The following AFAP1 variants were observed in gnomAD, a reference collection of about 807,000 sequenced individuals.
The protein encoded by AFAP1 is actin filament-associated protein 1.
Under a neutral mutation model 93.9 loss-of-function variants are expected in AFAP1, and 75 were observed. That is an observed-to-expected ratio of 0.80 (90% CI 0.66 to 0.97). The LOEUF (loss-of-function observed/expected upper bound fraction) is 0.97. Ranked by LOEUF, AFAP1 falls within the 50% of genes least tolerant of loss-of-function variation. The pLI is 0.00. For synonymous variants in AFAP1, 517 were observed against 430.7 expected (o/e 1.20, Z -2.48); for missense variants, 1,201 against 1,050.8 (o/e 1.14, Z -1.98).
chr4:7,863,231 C>T (rs547931667), intron 3 of AFAP1, among the ~76,000 whole-genome samples: 5 of 152,264 alleles, frequency 3.3e-5, no homozygotes, highest in African/African-American at 1.2e-4. Flanking sequence ...GCCTGGGCAA[C>T]ATGGTGAAAA....
intron 4 of AFAP1, among the ~76,000 whole-genome samples, chr4:7,846,255 A>T (rs1713687812): frequency 6.6e-6 from 1 of 152,230 alleles, no homozygotes; most frequent in Admixed American, 6.5e-5. Context: ...TGGCTTCTTT[A>T]TGATAAATCA....
At chr4:7,856,546 A>G (rs1011237952) in intron 3 of AFAP1, among the ~76,000 whole-genome samples, 3 of 152,238 alleles carry the variant, frequency 2.0e-5, no homozygotes, top group Middle Eastern at 6.8e-3. Flanking sequence ...GGCCCATCAC[A>G]ATTTTTTAAC....
intron 6 of AFAP1, among the ~76,000 whole-genome samples, chr4:7,824,964 A>C (rs901504823): frequency 1.3e-5 from 2 of 152,378 alleles, no homozygotes; most frequent in Admixed American, 1.3e-4. Context: ...AGTCTGGTTC[A>C]TTAGTACTGA....
intron 6 of AFAP1, among the ~76,000 whole-genome samples, chr4:7,829,674 C>A (rs1286633306): frequency 6.6e-6 from 1 of 152,210 alleles, no homozygotes; most frequent in African/African-American, 2.4e-5. Context: ...AGATACCATC[C>A]TTCCACATCA....
At chr4:7,914,850 A>C (rs2149229675) in intron 1 of AFAP1, among the ~76,000 whole-genome samples, 1 of 152,094 alleles carries the variant, frequency 6.6e-6, no homozygotes, top group African/African-American at 2.4e-5. Flanking sequence ...CAGGTTCCAG[A>C]GGTTCTCATA....
chr4:7,885,544 G>A (rs1376865925), intron 1 of AFAP1, among the ~76,000 whole-genome samples: 2 of 152,194 alleles, frequency 1.3e-5, no homozygotes, highest in African/African-American at 4.8e-5. Flanking sequence ...GTAGACAGTT[G>A]GAAGACAGGG....
chr4:7,845,627 T>TGCCCC (rs918139586), intron 4 of AFAP1, among the ~76,000 whole-genome samples: 1 of 151,992 alleles, frequency 6.6e-6, no homozygotes, highest in African/African-American at 2.4e-5. Context: ...CACAGGTCTC[T>TGCCCC]GCCCCGCTTC....
chr4:7,769,229 C>T (rs1221838700), intron 16 of AFAP1, among the ~76,000 whole-genome samples: 2 of 152,182 alleles, frequency 1.3e-5, no homozygotes, highest in Non-Finnish European at 2.9e-5. Flanking sequence ...GTGGAGGCTC[C>T]AAGGGGTGCT....
At position 7,772,811 on chromosome 4, in the gene AFAP1, G is replaced by A; in HGVS notation, c.2253+9C>T. 9 of 1,612,274 alleles carry A rather than the reference G, an allele frequency of 5.6e-6. No homozygotes were observed. Among genetic ancestry groups the A allele is most frequent in the Non-Finnish European group, 7.6e-6 (9 of 1,178,958 alleles). On this transcript the variant is annotated intron_variant, in intron 16 of 17. Transcript: ENST00000420658. ...GCCAGCCTCCGAGGTGAGCCAGAAG[G>A]ACACACACCTGTGGACTCGATGTCC... is the stretch of plus-strand genomic sequence containing the variant.
At chr4:7,885,471 TCACCG>T (rs1412174790) in intron 1 of AFAP1, among the ~76,000 whole-genome samples, 1 of 152,136 alleles carries the variant, frequency 6.6e-6, no homozygotes, top group Non-Finnish European at 1.5e-5. Context: ...AGGCCGACCA[TCACCG>T]CCTCTCTCCC....
At chr4:7,826,896 G>A (rs755469943) in intron 6 of AFAP1, among the ~76,000 whole-genome samples, 4 of 152,162 alleles carry the variant, frequency 2.6e-5, no homozygotes, top group Non-Finnish European at 5.9e-5. Context: ...AAACTCCTGA[G>A]ACAAATTCAA....
chr4:7,825,946 G>A (rs1481448374), intron 6 of AFAP1, among the ~76,000 whole-genome samples: 2 of 142,232 alleles, frequency 1.4e-5, no homozygotes, highest in African/African-American at 5.2e-5. Context: ...AAAACAAGTG[G>A]ATATGCTTAA....
chr4:7,793,668 C>T lies in AFAP1; in HGVS notation c.1412+13G>A. ...TGAACTGTGGTGCCATTTCACATGG[C>T]AGTGGGTCTTACCAGAAGGTCTGTT... On this transcript the variant is annotated intron_variant, in intron 11 of 17. Coordinates refer to ENST00000420658, the MANE Select transcript of AFAP1 (RefSeq NM_001134647.2). 6.6e-7 allele frequency: 1 copy of T among 1,513,866 alleles called. No individual in the cohort carries two copies. Among genetic ancestry groups the T allele is most frequent in the African/African-American group, 1.4e-5 (1 of 73,558 alleles). The allele number at this position is 1,513,866 out of a possible 1,614,324, so 93.8% of individuals were successfully genotyped here.
At chr4:7,826,727 G>A (rs532281139) in intron 6 of AFAP1, among the ~76,000 whole-genome samples, 1 of 152,322 alleles carries the variant, frequency 6.6e-6, no homozygotes, top group Admixed American at 6.5e-5. Context: ...GAGGCAAGGT[G>A]AAGCTGCAAC....
intron 1 of AFAP1, among the ~76,000 whole-genome samples, chr4:7,930,939 A>T (rs1721031570): frequency 6.6e-6 from 1 of 152,158 alleles, no homozygotes. Context: ...TTTAGTAGAG[A>T]CGAGGTTTCA....
intron 12 of AFAP1, 63 bp downstream of exon 12, chr4:7,786,131 C>A (rs966603940): frequency 1.3e-6 from 2 of 1,489,608 alleles, no homozygotes; most frequent in Non-Finnish European, 1.9e-6. Context: ...AACTGAAGCA[C>A]AGAATTTTCA....
In AFAP1 at chr4:7,762,256, GAGTC is replaced by G. The variant is rs947506132; in HGVS notation, c.*1505_*1508del. On this transcript the variant is annotated 3_prime_UTR_variant, in exon 18 of 18. Coordinates refer to ENST00000420658, the MANE Select transcript of AFAP1 (RefSeq NM_001134647.2). ...AAAGTATGTCTGGGGGAAACCCAAG[GAGTC>G]AGTCAGTGTTTTCCCGCCATCTCTT... 11 of 152,338 alleles carry G rather than the reference GAGTC, an allele frequency of 7.2e-5. No homozygotes were observed. Among genetic ancestry groups the G allele is most frequent in the South Asian group, 2.1e-4 (1 of 4,816 alleles). 9.4% of individuals were successfully genotyped at this position (152,338 alleles called of 1,614,324 possible).
chr4:7,822,900 C>CTT (rs5855985), intron 6 of AFAP1, among the ~76,000 whole-genome samples: 18 of 147,870 alleles, frequency 1.2e-4, no homozygotes, highest in Non-Finnish European at 2.1e-4. Context: ...GCCCCTCTTT[C>CTT]TTTTTTTTTT....
intron 3 of AFAP1, among the ~76,000 whole-genome samples, chr4:7,868,182 T>C (rs1716640062): frequency 6.6e-6 from 1 of 152,052 alleles, no homozygotes; most frequent in Admixed American, 6.5e-5. Flanking sequence ...GGAAACAATA[T>C]GGATAGTTAA....
Sources: allele counts gnomAD v4.1 joint callset (sites outside exome capture counted in the v4.1 genomes callset), GRCh38; gene constraint gnomAD v4.1.1; transcripts MANE v1.5; gene names NCBI Gene and HGNC (gene_info 2026-07-23, HGNC 2026-07-21).